The following TTLL5 variants were observed in gnomAD, a reference collection of about 807,000 sequenced individuals.
The protein encoded by TTLL5 is tubulin polyglutamylase TTLL5.
Under a neutral mutation model 168.4 loss-of-function variants are expected in TTLL5, and 132 were observed. The observed-to-expected ratio is 0.78, with a 90% confidence interval of 0.68 to 0.91. The LOEUF (loss-of-function observed/expected upper bound fraction) is 0.91, where lower values mean the gene tolerates loss of function less well. Ranked by LOEUF, TTLL5 falls within the 40% of genes least tolerant of loss-of-function variation. The pLI, the probability that TTLL5 is intolerant of heterozygous loss-of-function variation, is 0.00. For missense variants in TTLL5, 1,545 were observed against 1,581.5 expected (o/e 0.98, Z 0.39); for synonymous variants, 546 against 558.6 (o/e 0.98, Z 0.32).
In TTLL5 at chr14:75,661,272, T is replaced by C. The variant is rs1027423080; in HGVS notation, c.-211T>C. On this transcript the variant is annotated 5_prime_UTR_variant, in exon 1 of 32. Coordinates refer to ENST00000298832, the MANE Select transcript of TTLL5 (RefSeq NM_015072.5). ...GGCGGTTGCTTGTTGGTTGTTGTAG[T>C]AACCGGGGAAGCAGCCGTCGGCGGC... 1 of 152,174 alleles carries C rather than the reference T, an allele frequency of 6.6e-6. No homozygotes were observed. Among genetic ancestry groups the C allele is most frequent in the East Asian group, 1.9e-4 (1 of 5,184 alleles). 9.4% of individuals were successfully genotyped at this position (152,174 alleles called of 1,614,324 possible). A position where few individuals can be genotyped will look rare whatever the true frequency, so the allele number is the denominator to read the frequency against.
intron 26 of TTLL5, among the ~76,000 whole-genome samples, chr14:75,790,962 C>T (rs1275060544): frequency 6.7e-6 from 1 of 150,284 alleles, no homozygotes; most frequent in African/African-American, 2.4e-5. Flanking sequence ...AAAAATTACC[C>T]GGGCCTGGTG....
chr14:75,699,539 C>T (rs1886107156), intron 7 of TTLL5, among the ~76,000 whole-genome samples: 1 of 152,162 alleles, frequency 6.6e-6, no homozygotes, highest in Admixed American at 6.5e-5. Flanking sequence ...AAAGAGGTAC[C>T]TTTTCTGCTT....
chr14:75,836,926 T>G (rs192000080), intron 28 of TTLL5, among the ~76,000 whole-genome samples: 11 of 152,338 alleles, frequency 7.2e-5, no homozygotes, highest in Admixed American at 4.6e-4. Flanking sequence ...TAAAGCTGAT[T>G]TTTTTCTTTT....
chr14:75,883,038 C>G, intron 30 of TTLL5, 136 bp downstream of exon 30: 2 of 986,900 alleles, frequency 2.0e-6, no homozygotes, highest in Non-Finnish European at 2.9e-6. Flanking sequence ...AAAGGCTAAC[C>G]CTAGTTCTCA....
At chr14:75,708,969 A>T (rs998213102) in intron 9 of TTLL5, among the ~76,000 whole-genome samples, 4 of 152,016 alleles carry the variant, frequency 2.6e-5, no homozygotes, top group Admixed American at 1.3e-4. Context: ...TGATGAGCTT[A>T]AAAAAAATTG....
chr14:75,666,801 G>A (rs1039387639), intron 2 of TTLL5, among the ~76,000 whole-genome samples: 1 of 152,182 alleles, frequency 6.6e-6, no homozygotes, highest in South Asian at 2.1e-4. Context: ...AGTGAATGAT[G>A]TCTATTTCTC....
intron 30 of TTLL5, among the ~76,000 whole-genome samples, chr14:75,898,795 C>T (rs1201890787): frequency 1.3e-5 from 2 of 152,112 alleles, no homozygotes; most frequent in East Asian, 1.9e-4. Flanking sequence ...TAAGAGATAA[C>T]CTGTCAATCT....
At chr14:75,815,014 G>C (rs974405081) in intron 27 of TTLL5, among the ~76,000 whole-genome samples, 12 of 152,144 alleles carry the variant, frequency 7.9e-5, no homozygotes, top group African/African-American at 2.9e-4. Context: ...TTTTCTGATA[G>C]ATCAGTGATG....
Position 75,814,263 on chromosome 14 carries a change from C to T in TTLL5, c.3172-5744C>T, listed in dbSNP as rs372835945. Reference sequence around the variant, plus strand: ...ATTGATTTTGTGAGTGGTGCTGTCTCTTCATGTACTGTAAGCCTGTTCTTT... The same window carrying T: ...ATTGATTTTGTGAGTGGTGCTGTCTTTTCATGTACTGTAAGCCTGTTCTTT... On this transcript the variant is annotated intron_variant, in intron 27 of 31. Coordinates refer to ENST00000298832, the MANE Select transcript of TTLL5 (RefSeq NM_015072.5). 3.2e-3 allele frequency among the ~76,000 whole-genome samples: 487 copies of T among 152,320 alleles called. 11 individuals carry two copies. The South Asian group carries it at 0.054, about 17-fold the overall frequency.
At chr14:75,744,211 G>A (rs1215058083) in intron 15 of TTLL5, among the ~76,000 whole-genome samples, 2 of 152,150 alleles carry the variant, frequency 1.3e-5, no homozygotes, top group African/African-American at 4.8e-5. Flanking sequence ...CCATGTGGGT[G>A]AATTCTTTCT....
chr14:75,771,150 C>T (rs986004857), intron 20 of TTLL5, among the ~76,000 whole-genome samples: 2 of 152,190 alleles, frequency 1.3e-5, no homozygotes, highest in Non-Finnish European at 2.9e-5. Flanking sequence ...GGGTCAAGCA[C>T]AGTGACTCAG....
At chr14:75,703,667 A>G (rs780907520) in intron 7 of TTLL5, among the ~76,000 whole-genome samples, 1 of 152,236 alleles carries the variant, frequency 6.6e-6, no homozygotes, top group Non-Finnish European at 1.5e-5. Context: ...GAAATACAGT[A>G]TTGATACATT....
intron 29 of TTLL5, among the ~76,000 whole-genome samples, chr14:75,870,548 C>T (rs989515740): frequency 3.9e-5 from 6 of 152,176 alleles, no homozygotes; most frequent in Non-Finnish European, 5.9e-5. Context: ...AGTATCCTGA[C>T]GTTTGTTCTA....
At chr14:75,919,537 C>G (rs923620274) in intron 31 of TTLL5, among the ~76,000 whole-genome samples, 7 of 152,282 alleles carry the variant, frequency 4.6e-5, no homozygotes, top group Admixed American at 1.3e-4. Flanking sequence ...GCGGAATAGT[C>G]TCTTCAACAA....
intron 29 of TTLL5, among the ~76,000 whole-genome samples, chr14:75,878,370 A>G (rs2140009586): frequency 6.6e-6 from 1 of 152,284 alleles, no homozygotes; most frequent in African/African-American, 2.4e-5. Flanking sequence ...ATTCTCTGCA[A>G]TCCTTAGCAA....
intron 26 of TTLL5, among the ~76,000 whole-genome samples, chr14:75,786,710 A>G (rs1892384250): frequency 6.6e-6 from 1 of 152,238 alleles, no homozygotes. Context: ...TTCAAAGGTC[A>G]TCACTAAAAG....
intron 31 of TTLL5, among the ~76,000 whole-genome samples, chr14:75,926,025 C>G (rs1285946586): frequency 2.6e-5 from 4 of 151,282 alleles, no homozygotes; most frequent in Admixed American, 2.0e-4. Flanking sequence ...GCCTTGGCAT[C>G]AGAGGGAGAC....
At chr14:75,823,994 C>T (rs1894978571) in intron 28 of TTLL5, among the ~76,000 whole-genome samples, 1 of 152,226 alleles carries the variant, frequency 6.6e-6, no homozygotes, top group Non-Finnish European at 1.5e-5. Context: ...TTCCTCCCTT[C>T]TTTTAGATTA....
intron 27 of TTLL5, among the ~76,000 whole-genome samples, chr14:75,796,775 A>G (rs191997957): frequency 3.3e-5 from 5 of 152,100 alleles, no homozygotes; most frequent in East Asian, 3.9e-4. Flanking sequence ...ATTCTGTTCT[A>G]TTGGTCTATG....
Sources: allele counts gnomAD v4.1 joint callset (sites outside exome capture counted in the v4.1 genomes callset), GRCh38; gene constraint gnomAD v4.1.1; transcripts MANE v1.5; gene names NCBI Gene and HGNC (gene_info 2026-07-23, HGNC 2026-07-21).